DHX57: variants seen among roughly 807,000 people sequenced by gnomAD.
DHX57 encodes the protein putative ATP-dependent RNA helicase DHX57.
In DHX57, 105 loss-of-function variants were observed where a neutral mutation model predicts 156.2. The observed-to-expected ratio is 0.67, with a 90% CI of 0.57 to 0.79. The LOEUF (loss-of-function observed/expected upper bound fraction) is 0.79, where lower values mean the gene tolerates loss of function less well. Ranked by LOEUF, DHX57 falls within the 30% of genes least tolerant of loss-of-function variation. The probability of loss-of-function intolerance (pLI) is 0.00; values close to 1 mark genes in which losing one functional copy is unlikely to be tolerated. For missense variants in DHX57, 1,847 were observed against 1,661.9 expected (o/e 1.11, Z -1.94); for synonymous variants, 704 against 595.6 (o/e 1.18, Z -2.65).
At chr2:38,827,233 G>A (rs868165991) in intron 14 of DHX57, among the ~76,000 whole-genome samples, 7 of 151,412 alleles carry the variant, frequency 4.6e-5, no homozygotes, top group African/African-American at 1.5e-4. Flanking sequence ...TACCAACTTG[G>A]GAAAAATGTT....
At chr2:38,816,340 G>A (rs1035903322) in intron 19 of DHX57, among the ~76,000 whole-genome samples, 5 of 151,804 alleles carry the variant, frequency 3.3e-5, no homozygotes, top group African/African-American at 1.2e-4. Flanking sequence ...TTAACCTCCC[G>A]AGTAGCTGGG....
chr2:38,861,409 A>C lies in DHX57; in HGVS notation c.1001T>G (p.Ile334Arg). The change falls in exon 5 of 24, where the codon ATA (isoleucine) becomes AGA (arginine). Residue 334 changes from isoleucine to arginine, a missense_variant. Physicochemically the swap from Ile to Arg is moderately conservative, Grantham distance 97 (BLOSUM62 -3). Coordinates refer to ENST00000457308, the MANE Select transcript of DHX57 (RefSeq NM_198963.3). ...EVPPNQIVGR[I>R]ERSVDDSHLN... ...ATGAGAATCATCTACACTTCTTTCT[A>C]TTCTTCCAACAATTTGATTTGGGGG... is the stretch of plus-strand genomic sequence containing the variant. 6.2e-7 allele frequency: 1 copy of C among 1,614,068 alleles called. No individual in the cohort carries two copies. The highest frequency in any genetic ancestry group is 1.1e-5 in the South Asian group (1 of 91,078).
At chr2:38,807,946 T>A (rs1443396429) in intron 21 of DHX57, among the ~76,000 whole-genome samples, 28 of 34,980 alleles carry the variant, frequency 8.0e-4, no homozygotes, top group African/African-American at 2.4e-3. Flanking sequence ...GTGTCTTGCC[T>A]TTTTTTTTTT....
intron 7 of DHX57, 149 bp downstream of exon 7, chr2:38,856,191 C>T (rs1672884486): frequency 2.8e-6 from 3 of 1,075,794 alleles, no homozygotes; most frequent in African/African-American, 1.6e-5. Context: ...AAGTCTTCAG[C>T]TGGATTTTTT....
chr2:38,819,289 C>G lies in DHX57; in HGVS notation c.3292-145G>C. ...TCCCAGGCTTAAGCAATCCTCCTGC[C>G]TCAGCCTCCCTGGTAGCTGGGACTA... On this transcript the variant is annotated intron_variant, in intron 17 of 23. Transcript: ENST00000457308. The G allele has an allele frequency of 4.2e-6, 3 of 719,732 alleles. No homozygotes were observed. In the South Asian group the frequency reaches 5.5e-5, roughly 13 times the overall value. 44.6% of individuals were successfully genotyped at this position (719,732 alleles called of 1,614,324 possible).
chr2:38,836,126 T>C (rs769577381), intron 13 of DHX57, among the ~76,000 whole-genome samples: 8 of 152,244 alleles, frequency 5.3e-5, no homozygotes, highest in African/African-American at 1.7e-4. Context: ...ACGTGGACCA[T>C]TCTATGATAG....
chr2:38,862,574 G>A (rs1673290915), intron 3 of DHX57: 1 of 308,148 alleles, frequency 3.2e-6, no homozygotes, highest in Non-Finnish European at 5.8e-6. Flanking sequence ...CCCAATAACT[G>A]TACCAAATAC....
intron 21 of DHX57, chr2:38,810,761 C>T (rs1670203492): frequency 2.4e-6 from 2 of 829,686 alleles, no homozygotes; most frequent in East Asian, 2.7e-5. Context: ...ATTTTGCGCA[C>T]TTCCTGTTCC....
At chr2:38,849,802 A>C (rs1672488598) in intron 9 of DHX57, among the ~76,000 whole-genome samples, 4 of 152,112 alleles carry the variant, frequency 2.6e-5, no homozygotes, top group Admixed American at 2.0e-4. Flanking sequence ...AGCCCTTCAC[A>C]CAGGTAGCTC....
chr2:38,841,333 G>A, intron 12 of DHX57, among the ~76,000 whole-genome samples: 1 of 152,218 alleles, frequency 6.6e-6, no homozygotes. Context: ...CTGAGGCACA[G>A]AGATGATAAA....
At chr2:38,858,128 C>T (rs1170168411) in intron 6 of DHX57, among the ~76,000 whole-genome samples, 4 of 152,218 alleles carry the variant, frequency 2.6e-5, no homozygotes, top group African/African-American at 9.7e-5. Context: ...GTGGTGCAAT[C>T]ATGGCTCACT....
chr2:38,832,211 C>T (rs1395913297), intron 13 of DHX57, among the ~76,000 whole-genome samples: 1 of 152,120 alleles, frequency 6.6e-6, no homozygotes, highest in Non-Finnish European at 1.5e-5. Flanking sequence ...GAGGCCAACA[C>T]GGGCAGATCA....
At chr2:38,821,586 G>A (rs755436144) in intron 17 of DHX57, among the ~76,000 whole-genome samples, 23 of 152,158 alleles carry the variant, frequency 1.5e-4, no homozygotes, top group East Asian at 7.7e-4. Context: ...CCAGCTACTC[G>A]GGAGGCTGAG....
chr2:38,871,234 A>G (rs1298270794), intron 1 of DHX57, among the ~76,000 whole-genome samples: 1 of 152,224 alleles, frequency 6.6e-6, no homozygotes, highest in Non-Finnish European at 1.5e-5. Flanking sequence ...GCAGTTATAT[A>G]AAATAATATG....
At chr2:38,864,719 C>G (rs1310067148) in intron 2 of DHX57, among the ~76,000 whole-genome samples, 1 of 152,166 alleles carries the variant, frequency 6.6e-6, no homozygotes, top group East Asian at 1.9e-4. Flanking sequence ...GAGTGCACAT[C>G]TCCCTGTAGC....
chr2:38,809,348 C>T (rs560955110), intron 21 of DHX57, among the ~76,000 whole-genome samples: 1 of 152,126 alleles, frequency 6.6e-6, no homozygotes, highest in Admixed American at 6.6e-5. Flanking sequence ...TGGTCTCAAA[C>T]TCCTGGCCCC....
At chr2:38,873,669 A>T (rs1665458391) in intron 1 of DHX57, among the ~76,000 whole-genome samples, 1 of 152,252 alleles carries the variant, frequency 6.6e-6, no homozygotes, top group Non-Finnish European at 1.5e-5. Flanking sequence ...CTATTTATTC[A>T]TTCCACAAAT....
chr2:38,865,245 G>C (rs1478900070), intron 2 of DHX57, among the ~76,000 whole-genome samples: 1 of 151,788 alleles, frequency 6.6e-6, no homozygotes. Context: ...ATCCCCACAT[G>C]TTATGGGAGG....
In DHX57 at chr2:38,863,542, A is replaced by G. The variant is rs370994581; in HGVS notation, c.225-23T>C. 3.1e-6 allele frequency: 5 copies of G among 1,604,114 alleles called. No homozygotes were observed. The Admixed American group carries it at 5.2e-5, about 17-fold the overall frequency. On this transcript the variant is annotated intron_variant, in intron 2 of 23. Coordinates refer to ENST00000457308, the MANE Select transcript of DHX57 (RefSeq NM_198963.3). ...GGTCTATAGAGAACAAAAGAGCAAAATTACACACATATCTTCAATCAGAAC... is the reference window on the plus strand; with the variant it reads ...GGTCTATAGAGAACAAAAGAGCAAAGTTACACACATATCTTCAATCAGAAC...
Sources: gnomAD v4.1 joint callset for allele counts (sites outside exome capture counted in the v4.1 genomes callset) on GRCh38, gnomAD v4.1.1 for gene constraint, MANE v1.5 for transcripts, NCBI Gene and HGNC (gene_info 2026-07-23, HGNC 2026-07-21) for gene names.